The following ERMAP variants were observed in gnomAD, a reference collection of about 807,000 sequenced individuals.
ERMAP encodes erythroid membrane-associated protein.
Under a neutral mutation model 49.5 loss-of-function variants are expected in ERMAP, and 34 were observed. The observed-to-expected ratio is 0.69, with a 90% CI of 0.52 to 0.91. ERMAP has a LOEUF of 0.91. ERMAP is among the 40% of genes least tolerant of loss of function. The probability of loss-of-function intolerance (pLI) is 0.00; values close to 1 mark genes in which losing one functional copy is unlikely to be tolerated. For synonymous variants in ERMAP, 214 were observed against 232.2 expected (o/e 0.92, Z 0.71); for missense variants, 541 against 582.6 (o/e 0.93, Z 0.74).
intron 2 of ERMAP, among the ~76,000 whole-genome samples, chr1:42,829,323 G>A (rs1475821433): frequency 6.6e-6 from 1 of 152,182 alleles, no homozygotes; most frequent in South Asian, 2.1e-4. Context: ...CAGTTTCCCA[G>A]TCTCCCTTTG....
intron 1 of ERMAP, chr1:42,817,480 T>A (rs1394091351): frequency 2.4e-5 from 4 of 169,414 alleles, no homozygotes; most frequent in African/African-American, 9.7e-5. Flanking sequence ...CACACCGGGG[T>A]GGGTGGTGGT....
At chr1:42,825,445 A>C in intron 1 of ERMAP, 178 bp from the exon 2 acceptor site, 1 of 1,153,568 alleles carries the variant, frequency 8.7e-7, no homozygotes, top group East Asian at 6.4e-5. Context: ...AGTCATACTC[A>C]GTGGTTCCCT....
At position 42,843,714 on chromosome 1, in the gene ERMAP, T is replaced by TA. The variant is rs1408065055; in HGVS notation, c.*482_*483insA. ...GTCAGCTCTCTAAAAGCAAGCATGT[T>TA]TTAGACCACTCACTCTTTCCCTCTT... is the stretch of plus-strand genomic sequence containing the variant. On this transcript the variant is annotated 3_prime_UTR_variant, in exon 12 of 12. Coordinates refer to ENST00000372517, the MANE Select transcript of ERMAP (RefSeq NM_001017922.2). 3 of 207,554 alleles carry TA rather than the reference T, an allele frequency of 1.4e-5. No individual in the cohort carries two copies. Among genetic ancestry groups the TA allele is most frequent in the African/African-American group, 2.3e-5 (1 of 43,172 alleles). 12.9% of individuals were successfully genotyped at this position (207,554 alleles called of 1,614,324 possible).
intron 2 of ERMAP, chr1:42,829,892 G>T (rs1654663564): frequency 6.5e-6 from 1 of 154,098 alleles, no homozygotes; most frequent in Admixed American, 6.4e-5. Flanking sequence ...GAATTTGTAG[G>T]ATTAGTGCCT....
At chr1:42,836,646 G>T (rs576758207) in intron 6 of ERMAP, among the ~76,000 whole-genome samples, 1 of 152,038 alleles carries the variant, frequency 6.6e-6, no homozygotes, top group Admixed American at 6.6e-5. Flanking sequence ...ACCTGAGGTC[G>T]GGAGTTCAAG....
chr1:42,827,005 A>G (rs1654573652), intron 2 of ERMAP, among the ~76,000 whole-genome samples: 2 of 152,196 alleles, frequency 1.3e-5, no homozygotes, highest in African/African-American at 4.8e-5. Context: ...AATGTCCTCA[A>G]TATAGAATTA....
rs35664753 is a variant in ERMAP, at chr1:42,840,829, C to T, written c.712+533C>T. 3.5e-3 allele frequency among the ~76,000 whole-genome samples: 528 copies of T among 152,316 alleles called. 3 individuals carry two copies. The highest frequency in any genetic ancestry group is 0.012 in the African/African-American group (495 of 41,574). ...TTGGGAAGTCCTTCCTATCCCACAA[C>T]CAGATAAATAGCCACTGCTTCCGCC... On this transcript the variant is annotated intron_variant, in intron 11 of 11. Transcript: ENST00000372517.
At chr1:42,831,149 G>A (rs1393763371) in intron 4 of ERMAP, 34 bp downstream of exon 4, 13 of 1,599,784 alleles carry the variant, frequency 8.1e-6, no homozygotes, top group Non-Finnish European at 1.1e-5. Context: ...AGGGTCATTT[G>A]TGGCAATTGG....
chr1:42,825,476 T>C, intron 1 of ERMAP, 147 bp from the exon 2 acceptor site: 1 of 1,167,094 alleles, frequency 8.6e-7, no homozygotes, highest in Non-Finnish European at 1.1e-6. Flanking sequence ...AGCCTCCTCT[T>C]TGCTCTGTTC....
intron 1 of ERMAP, among the ~76,000 whole-genome samples, chr1:42,822,539 T>G (rs1654432038): frequency 6.6e-6 from 1 of 152,250 alleles, no homozygotes; most frequent in Non-Finnish European, 1.5e-5. Flanking sequence ...CAGAGTAATA[T>G]TTTGATACAT....
Position 42,842,703 on chromosome 1 carries a change from G to C in ERMAP, c.899G>C (p.Gly300Ala). 4 of 1,614,204 alleles carry C rather than the reference G, an allele frequency of 2.5e-6. No homozygotes were observed. The highest frequency in any genetic ancestry group is 3.4e-6 in the Non-Finnish European group (4 of 1,180,032). Residue 300 changes from glycine to alanine, a missense_variant, in exon 12 of 12, where the codon GGA becomes GCA. Physicochemically the swap from Gly to Ala is moderately conservative, Grantham distance 60. Coordinates refer to ENST00000372517, the MANE Select transcript of ERMAP (RefSeq NM_001017922.2). ...TGCCACTACTGGGAGGTGTATGTGG[G>C]AGACAAGACCAAATGGATTCTTGGA... The part of the protein sequence containing the change: ...TGCHYWEVYV[G>A]DKTKWILGVC...
rs1289703992 is a variant in ERMAP, at chr1:42,842,993, C to G, written c.1189C>G (p.Pro397Ala). The G allele has an allele frequency of 1.9e-6, 3 of 1,614,200 alleles. No homozygotes were observed. In the East Asian group the frequency reaches 6.7e-5, roughly 36 times the overall value. ...FSGPLRPFFE[P>A]CLHDGGKNTA... The stretch of plus-strand genomic sequence containing the variant: ...TGGCCCCCTTCGCCCTTTCTTTGAA[C>G]CTTGCCTTCATGATGGAGGAAAAAA... Residue 397 changes from proline to alanine, a missense_variant, in exon 12 of 12, where the codon CCT (proline) becomes GCT (alanine). Coordinates refer to ENST00000372517, the MANE Select transcript of ERMAP (RefSeq NM_001017922.2).
At chr1:42,840,381 T>A in intron 11 of ERMAP, 85 bp downstream of exon 11, 1 of 1,520,768 alleles carries the variant, frequency 6.6e-7, no homozygotes, top group South Asian at 1.2e-5. Flanking sequence ...TCCATTCCTC[T>A]GGAATGCAGG....
chr1:42,838,827 T>TGAG, intron 7 of ERMAP, 74 bp from the exon 8 acceptor site: 1 of 1,601,418 alleles, frequency 6.2e-7, no homozygotes, highest in Non-Finnish European at 8.6e-7. Context: ...GTTGGAGTGA[T>TGAG]GAGGCTGCCA....
At chr1:42,822,227 A>G (rs1363784004) in intron 1 of ERMAP, among the ~76,000 whole-genome samples, 1 of 151,954 alleles carries the variant, frequency 6.6e-6, no homozygotes, top group Non-Finnish European at 1.5e-5. Context: ...TCTCTCGCCC[A>G]GGCTGGAGTG....
chr1:42,817,268 C>T lies in ERMAP; in HGVS notation c.-122+15C>T. The T allele has an allele frequency of 1.6e-6, 2 of 1,241,176 alleles. No individual in the cohort carries two copies. The highest frequency in any genetic ancestry group is 2.1e-6 in the Non-Finnish European group (2 of 964,232). The allele number at this position is 1,241,176 out of a possible 1,614,324, so 76.9% of individuals were successfully genotyped here. A position where few individuals can be genotyped will look rare whatever the true frequency, so the allele number is the denominator to read the frequency against. ...CCTCCGGGAGGGTAATCCTCGCCTT[C>T]CCCCGACCACTGGACCCAGCGCTGC... On this transcript the variant is annotated intron_variant, in intron 1 of 11. Transcript: ENST00000372517.
chr1:42,843,110 G>A lies in ERMAP; in HGVS notation c.1306G>A (p.Val436Met), dbSNP rs749702119. 1 of 1,614,216 alleles carries A rather than the reference G, an allele frequency of 6.2e-7. No homozygotes were observed. The highest frequency in any genetic ancestry group is 1.1e-5 in the South Asian group (1 of 91,086). Residue 436 changes from valine to methionine, a missense_variant, in exon 12 of 12, where the codon GTG becomes ATG. Coordinates refer to ENST00000372517, the MANE Select transcript of ERMAP (RefSeq NM_001017922.2). ...PEGKGHANGD[V>M]SLKVNSSLLP... ...AGGGAAAGGCCATGCTAATGGAGAT[G>A]TGTCCCTCAAGGTGAACTCTTCTTT...
chr1:42,822,102 A>G (rs1251796987), intron 1 of ERMAP, among the ~76,000 whole-genome samples: 1 of 151,554 alleles, frequency 6.6e-6, no homozygotes, highest in Non-Finnish European at 1.5e-5. Context: ...AACAAAACAT[A>G]TATTTATGAA....
chr1:42,843,337 A>G lies in ERMAP; in HGVS notation c.*105A>G. On this transcript the variant is annotated 3_prime_UTR_variant, in exon 12 of 12. Coordinates refer to ENST00000372517, the MANE Select transcript of ERMAP (RefSeq NM_001017922.2). The stretch of plus-strand genomic sequence containing the variant: ...ATGGAACGTCTCTTCACCTTAACCC[A>G]AATCCAGACCCTTTTGTGGTTTCTA... The G allele has an allele frequency of 1.3e-6, 1 of 755,178 alleles. No homozygotes were observed. The highest frequency in any genetic ancestry group is 2.1e-6 in the Non-Finnish European group (1 of 482,296). The allele number at this position is 755,178 out of a possible 1,614,324, so 46.8% of individuals were successfully genotyped here. A position where few individuals can be genotyped will look rare whatever the true frequency, so the allele number is the denominator to read the frequency against.
Sources: gnomAD v4.1 joint callset for allele counts (sites outside exome capture counted in the v4.1 genomes callset) on GRCh38, gnomAD v4.1.1 for gene constraint, MANE v1.5 for transcripts, NCBI Gene and HGNC (gene_info 2026-07-23, HGNC 2026-07-21) for gene names.